SVIL: variants seen among roughly 807,000 people sequenced by gnomAD.
SVIL encodes archvillin.
SVIL carries 101 observed loss-of-function variants against 240.4 expected under a neutral mutation model. The observed-to-expected ratio is 0.42, with a 90% confidence interval of 0.36 to 0.50. SVIL has a LOEUF of 0.50. Among genes scored for constraint, SVIL ranks in the 20% least tolerant of loss-of-function variants. The pLI is 0.01. For missense variants in SVIL, 2,512 were observed against 2,818.7 expected (o/e 0.89, Z 2.46); for synonymous variants, 999 against 1,100.0 (o/e 0.91, Z 1.82).
chr10:29,523,633 G>T lies in SVIL; in HGVS notation c.2981C>A (p.Ala994Asp). 1 of 1,614,168 alleles carries T rather than the reference G, an allele frequency of 6.2e-7. No homozygotes were observed. Among genetic ancestry groups the T allele is most frequent in the Non-Finnish European group, 8.5e-7 (1 of 1,180,016 alleles). Residue 994 changes from alanine to aspartate, a missense_variant, in exon 15 of 38, where the codon GCT (alanine) becomes GAT (aspartate). Physicochemically the swap from Ala to Asp is moderately radical, Grantham distance 126. Coordinates refer to ENST00000355867, the MANE Select transcript of SVIL (RefSeq NM_021738.3). ...EGDSHKESKY[A>D]VPRRGSLERA... ...TTCCAGGCTTCCTCTTCTGGGAACA[G>T]CATATTTAGATTCCTTATGGCTGTC... is the stretch of plus-strand genomic sequence containing the variant.
At chr10:29,633,857 T>G (rs1209962326) in intron 1 of SVIL, among the ~76,000 whole-genome samples, 2 of 152,130 alleles carry the variant, frequency 1.3e-5, no homozygotes, top group Non-Finnish European at 2.9e-5. Context: ...CTCTAGAACC[T>G]ACAGTGAGGT....
In SVIL at chr10:29,714,550, T is replaced by C. The variant is rs183110956; in HGVS notation, c.-400+21201A>G. ...TTACTAAAGCACACTTTGTATTTTA[T>C]GAATCATCAGTGATGAGTAAGTACA... is the stretch of plus-strand genomic sequence containing the variant. On this transcript the variant is annotated intron_variant, in intron 1 of 35. Transcript: ENST00000375400. Among the ~76,000 whole-genome samples the C allele has an allele frequency of 3.0e-3, 459 of 152,360 alleles. 1 individual carries two copies. Among genetic ancestry groups the C allele is most frequent in the Non-Finnish European group, 4.4e-3 (297 of 68,020 alleles).
chr10:29,599,977 C>T (rs777262678), intron 1 of SVIL, among the ~76,000 whole-genome samples: 46 of 151,940 alleles, frequency 3.0e-4, no homozygotes, highest in Non-Finnish European at 5.9e-4. Context: ...CCAATAAAAT[C>T]CACTACATGT....
chr10:29,491,576 CTA>C (rs1288702810), intron 21 of SVIL, among the ~76,000 whole-genome samples: 4 of 151,962 alleles, frequency 2.6e-5, no homozygotes, highest in Non-Finnish European at 4.4e-5. Context: ...TTTTGGAAGA[CTA>C]TATTGAAATA....
intron 16 of SVIL, among the ~76,000 whole-genome samples, chr10:29,520,989 C>T (rs112188576): frequency 6.6e-5 from 10 of 151,102 alleles, no homozygotes; most frequent in African/African-American, 9.7e-5. Flanking sequence ...TTTGGGAGGC[C>T]GAGGCAGGCG....
At chr10:29,626,327 C>G (rs1240522767) in intron 1 of SVIL, among the ~76,000 whole-genome samples, 1 of 152,170 alleles carries the variant, frequency 6.6e-6, no homozygotes, top group African/African-American at 2.4e-5. Context: ...GAGAATCGCT[C>G]AGGGTACTTT....
chr10:29,609,201 G>A (rs59756093), intron 1 of SVIL, among the ~76,000 whole-genome samples: 4,336 of 152,314 alleles, frequency 0.028, 208 homozygotes, highest in African/African-American at 0.096. Context: ...AGGACCTGCT[G>A]AATGGCGGAA....
intron 1 of SVIL, among the ~76,000 whole-genome samples, chr10:29,730,878 T>C (rs903029227): frequency 2.0e-5 from 3 of 152,208 alleles, no homozygotes; most frequent in Non-Finnish European, 2.9e-5. Context: ...CTGGAGCTAC[T>C]AGAGGGCCAT....
At chr10:29,619,469 A>C (rs1957545929) in intron 1 of SVIL, among the ~76,000 whole-genome samples, 1 of 152,238 alleles carries the variant, frequency 6.6e-6, no homozygotes, top group Non-Finnish European at 1.5e-5. Context: ...AAAACAAAAG[A>C]GCTTTGACCA....
chr10:29,699,790 C>A (rs145849188), intron 1 of SVIL, among the ~76,000 whole-genome samples: 66 of 152,334 alleles, frequency 4.3e-4, no homozygotes, highest in Non-Finnish European at 8.7e-4. Context: ...CCAGTTCAGG[C>A]CCAGGCCTCC....
intron 6 of SVIL, among the ~76,000 whole-genome samples, chr10:29,539,164 CTAAT>C (rs1951954863): frequency 8.2e-6 from 1 of 121,346 alleles, no homozygotes. Flanking sequence ...GACTCGGCCT[CTAAT>C]AAATAAATAA....
chr10:29,732,922 AG>A (rs1964702109), intron 1 of SVIL, among the ~76,000 whole-genome samples: 1 of 152,100 alleles, frequency 6.6e-6, no homozygotes, highest in South Asian at 2.1e-4. Context: ...TTTAAGAGAA[AG>A]GGAAATGGCT....
chr10:29,709,617 C>T (rs1963138058), intron 1 of SVIL, among the ~76,000 whole-genome samples: 1 of 152,138 alleles, frequency 6.6e-6, no homozygotes, highest in Non-Finnish European at 1.5e-5. Context: ...ATGCTCTCAC[C>T]AGCTTGTGCC....
At chr10:29,531,205 A>C (rs753593875) in intron 10 of SVIL, 49 bp downstream of exon 10, 2 of 1,581,742 alleles carry the variant, frequency 1.3e-6, no homozygotes, top group South Asian at 2.3e-5. Flanking sequence ...TATTAAATCC[A>C]GTCTAGATGA....
intron 32 of SVIL, among the ~76,000 whole-genome samples, chr10:29,468,137 C>T (rs1945140191): frequency 6.6e-6 from 1 of 152,190 alleles, no homozygotes; most frequent in Admixed American, 6.5e-5. Flanking sequence ...TTCCCCCATC[C>T]TTAGTCCTCA....
At chr10:29,714,856 A>C (rs1208140190) in intron 1 of SVIL, among the ~76,000 whole-genome samples, 3 of 149,166 alleles carry the variant, frequency 2.0e-5, no homozygotes, top group Non-Finnish European at 4.4e-5. Flanking sequence ...GCTACTCAGG[A>C]GGCTGAGGTG....
intron 2 of SVIL, among the ~76,000 whole-genome samples, chr10:29,673,049 G>C (rs1230457749): frequency 6.6e-6 from 1 of 151,920 alleles, no homozygotes; most frequent in East Asian, 1.9e-4. Context: ...GAGTAGCTGG[G>C]ATTACAGGCA....
chr10:29,526,881 A>T, intron 13 of SVIL, 80 bp downstream of exon 13: 1 of 1,165,808 alleles, frequency 8.6e-7, no homozygotes, highest in East Asian at 2.8e-5. Context: ...AACAAACGAC[A>T]GACATTCAAG....
chr10:29,611,407 G>A (rs1265510300), intron 1 of SVIL, among the ~76,000 whole-genome samples: 1 of 151,842 alleles, frequency 6.6e-6, no homozygotes, highest in Non-Finnish European at 1.5e-5. Flanking sequence ...TGGGGGGACT[G>A]CTGGAACGTG....
Sources: allele counts gnomAD v4.1 joint callset (sites outside exome capture counted in the v4.1 genomes callset), GRCh38; gene constraint gnomAD v4.1.1; transcripts MANE v1.5; gene names NCBI Gene and HGNC (gene_info 2026-07-23, HGNC 2026-07-21).